Variants in RGS20 observed in about 807,000 individuals in gnomAD.
RGS20 encodes regulator of G protein signaling 20, also known as gz-selective GTPase-activating protein.
A neutral mutation model predicts 33.6 loss-of-function variants in RGS20; 30 were observed. That is an observed-to-expected ratio of 0.89 (90% CI 0.67 to 1.21). RGS20 has a LOEUF of 1.21. Ranked by LOEUF, RGS20 falls within the 50% of genes most tolerant of loss-of-function variation. RGS20 has a pLI of 0.00. For missense variants in RGS20, 472 were observed against 502.4 expected, an observed-to-expected ratio of 0.94 and a Z score of 0.58; for synonymous variants, 208 against 197.9, an observed-to-expected ratio of 1.05 and a Z score of -0.43.
intron 2 of RGS20, among the ~76,000 whole-genome samples, chr8:53,896,996 A>G (rs1585898177): frequency 1.3e-5 from 2 of 152,264 alleles, no homozygotes; most frequent in East Asian, 3.8e-4. Context: ...TGAGGAGCCA[A>G]TGCTACTGTC....
At chr8:53,947,304 A>C (rs1055071232) in intron 4 of RGS20, among the ~76,000 whole-genome samples, 8 of 141,742 alleles carry the variant, frequency 5.6e-5, no homozygotes, top group African/African-American at 2.0e-4. Context: ...ATGCTATATA[A>C]GATATAGTAT....
intron 2 of RGS20, among the ~76,000 whole-genome samples, chr8:53,900,747 G>T (rs1232202012): frequency 6.6e-6 from 1 of 152,138 alleles, no homozygotes; most frequent in Non-Finnish European, 1.5e-5. Flanking sequence ...GGATGGCAGG[G>T]CTCCTCTGAC....
chr8:53,954,982 G>A (rs755691186), intron 5 of RGS20, among the ~76,000 whole-genome samples: 2 of 151,524 alleles, frequency 1.3e-5, no homozygotes, highest in South Asian at 4.2e-4. Flanking sequence ...CACCGTGCCC[G>A]GCCTCGCCAT....
intron 2 of RGS20, among the ~76,000 whole-genome samples, chr8:53,914,504 CTAGA>C (rs1409533151): frequency 1.3e-5 from 2 of 152,170 alleles, no homozygotes; most frequent in Admixed American, 6.5e-5. Flanking sequence ...TTCTTGTGCA[CTAGA>C]TAATCTTAGT....
chr8:53,914,512 T>C (rs1813431344), intron 2 of RGS20, among the ~76,000 whole-genome samples: 1 of 152,210 alleles, frequency 6.6e-6, no homozygotes, highest in Non-Finnish European at 1.5e-5. Flanking sequence ...CACTAGATAA[T>C]CTTAGTTTCT....
At chr8:53,944,404 GGT>G (rs1814402162) in intron 3 of RGS20, among the ~76,000 whole-genome samples, 1 of 152,060 alleles carries the variant, frequency 6.6e-6, no homozygotes, top group Non-Finnish European at 1.5e-5. Flanking sequence ...TGGGTGTGGT[GGT>G]GCGCGCCTGT....
At chr8:53,956,739 GAATT>G (rs896989360) in intron 5 of RGS20, among the ~76,000 whole-genome samples, 1 of 152,106 alleles carries the variant, frequency 6.6e-6, no homozygotes, top group Non-Finnish European at 1.5e-5. Flanking sequence ...TTTTCATTTT[GAATT>G]AATAAGGAGC....
chr8:53,943,996 TACACACACAC>T (rs113461310), intron 3 of RGS20, among the ~76,000 whole-genome samples: 4 of 146,360 alleles, frequency 2.7e-5, no homozygotes, highest in Non-Finnish European at 3.0e-5. Context: ...AAAATAGAGC[TACACACACAC>T]ACACACACAC....
At chr8:53,921,188 CT>C (rs1475942479) in intron 2 of RGS20, among the ~76,000 whole-genome samples, 1 of 152,076 alleles carries the variant, frequency 6.6e-6, no homozygotes, top group Non-Finnish European at 1.5e-5. Context: ...GCATATAATC[CT>C]TTTTTTACAT....
chr8:53,914,175 C>T (rs1294840075), intron 2 of RGS20, among the ~76,000 whole-genome samples: 1 of 152,070 alleles, frequency 6.6e-6, no homozygotes, highest in Non-Finnish European at 1.5e-5. Flanking sequence ...GTACTATAGG[C>T]ATGCATCACC....
At chr8:53,880,757 TG>T in intron 2 of RGS20, 114 bp from the exon 1 acceptor site, 2 of 860,152 alleles carry the variant, frequency 2.3e-6, no homozygotes, top group Non-Finnish European at 3.2e-6. Flanking sequence ...GCGCCCCGCG[TG>T]GGGCCTCGGG....
chr8:53,944,315 A>G (rs922397690), intron 3 of RGS20, among the ~76,000 whole-genome samples: 6 of 152,158 alleles, frequency 3.9e-5, no homozygotes, highest in African/African-American at 7.2e-5. Context: ...CGAGGCGGGC[A>G]GATCACAAGG....
At position 53,946,757 on chromosome 8, in the gene RGS20, A is replaced by C; in HGVS notation, c.743+9A>C. ...CCAACCTGGGAAGAAAGGTGAAATC[A>C]CACGTTTTTTTTACCTCACTAAACT... is the stretch of plus-strand genomic sequence containing the variant. On this transcript the variant is annotated intron_variant, in intron 4 of 5. Coordinates refer to ENST00000297313, the MANE Select transcript of RGS20 (RefSeq NM_170587.4). The C allele has an allele frequency of 6.2e-7, 1 of 1,611,258 alleles. No homozygotes were observed. Among genetic ancestry groups the C allele is most frequent in the Non-Finnish European group, 8.5e-7 (1 of 1,178,472 alleles).
At chr8:53,945,744 A>C (rs546474030) in intron 3 of RGS20, among the ~76,000 whole-genome samples, 6 of 152,042 alleles carry the variant, frequency 3.9e-5, no homozygotes, top group African/African-American at 7.3e-5. Flanking sequence ...GGTGAAACCA[A>C]ATACAAAAAG....
At chr8:53,944,604 G>C (rs1814417825) in intron 3 of RGS20, among the ~76,000 whole-genome samples, 1 of 151,816 alleles carries the variant, frequency 6.6e-6, no homozygotes, top group Admixed American at 6.6e-5. Context: ...CTGAGAATTG[G>C]AAATAGGTAA....
chr8:53,922,883 A>G (rs1251548446), intron 2 of RGS20, among the ~76,000 whole-genome samples: 3 of 152,014 alleles, frequency 2.0e-5, no homozygotes, highest in Non-Finnish European at 4.4e-5. Context: ...CTGGTCTTGA[A>G]CTCCTGGTCT....
chr8:53,954,416 C>G (rs1814800102), intron 5 of RGS20, 106 bp downstream of exon 4: 1 of 740,848 alleles, frequency 1.3e-6, no homozygotes, highest in African/African-American at 1.8e-5. Flanking sequence ...GTAATCCCAG[C>G]ACTTTGGGAG....
chr8:53,923,825 G>A (rs879653777), intron 2 of RGS20, among the ~76,000 whole-genome samples: 1 of 151,678 alleles, frequency 6.6e-6, no homozygotes, highest in African/African-American at 2.4e-5. Flanking sequence ...ATTCTTTTTC[G>A]TGACTACCTG....
intron 2 of RGS20, among the ~76,000 whole-genome samples, chr8:53,901,533 C>T (rs1299036842): frequency 6.6e-6 from 1 of 152,238 alleles, no homozygotes; most frequent in East Asian, 1.9e-4. Flanking sequence ...CTGTCTATTG[C>T]CACTTCTAAA....
Sources: gnomAD v4.1 joint callset for allele counts (sites outside exome capture counted in the v4.1 genomes callset) on GRCh38, gnomAD v4.1.1 for gene constraint, MANE v1.5 for transcripts, NCBI Gene and HGNC (gene_info 2026-07-23, HGNC 2026-07-21) for gene names.